MORF4L1: variants seen among roughly 807,000 people sequenced by gnomAD.
MORF4L1 encodes the protein mortality factor 4 like 1.
A neutral mutation model predicts 52.9 loss-of-function variants in MORF4L1; 4 were observed. That is an observed-to-expected ratio of 0.08 (90% CI 0.04 to 0.17). The LOEUF (loss-of-function observed/expected upper bound fraction) is 0.17. Ranked by LOEUF, MORF4L1 falls within the 10% of genes least tolerant of loss-of-function variation. The pLI, the probability that MORF4L1 is intolerant of heterozygous loss-of-function variation, is 1.00. For missense variants in MORF4L1, 214 were observed against 390.4 expected (o/e 0.55, Z 3.81); for synonymous variants, 123 against 134.8 (o/e 0.91, Z 0.61).
intron 3 of MORF4L1, among the ~76,000 whole-genome samples, chr15:78,881,529 T>A (rs1348824183): frequency 6.6e-6 from 1 of 151,932 alleles, no homozygotes; most frequent in Admixed American, 6.6e-5. Flanking sequence ...AAAGTACCGA[T>A]GTTATTGATC....
chr15:78,879,236 C>T (rs1438542269), intron 2 of MORF4L1, among the ~76,000 whole-genome samples: 4 of 151,866 alleles, frequency 2.6e-5, no homozygotes, highest in African/African-American at 9.7e-5. Flanking sequence ...CCCCGCCCCG[C>T]CCCCCAAGAC....
intron 2 of MORF4L1, among the ~76,000 whole-genome samples, chr15:78,879,527 C>G (rs144534979): frequency 1.1e-3 from 173 of 152,210 alleles, no homozygotes; most frequent in Admixed American, 3.0e-3. Context: ...GGGAGACTGT[C>G]TCTTAAAAAA....
chr15:78,875,238 C>CTAAGG (rs1419597133), intron 1 of MORF4L1, among the ~76,000 whole-genome samples: 1 of 152,148 alleles, frequency 6.6e-6, no homozygotes, highest in Non-Finnish European at 1.5e-5. Flanking sequence ...TGGGAACAAC[C>CTAAGG]TAAGGATGGC....
intron 1 of MORF4L1, among the ~76,000 whole-genome samples, chr15:78,874,823 T>C (rs2056452704): frequency 6.6e-6 from 1 of 151,308 alleles, no homozygotes; most frequent in Non-Finnish European, 1.5e-5. Context: ...AGAGCAGATA[T>C]TCTTAATCTA....
chr15:78,893,922 C>T, intron 9 of MORF4L1, 136 bp from the exon 10 acceptor site: 1 of 808,418 alleles, frequency 1.2e-6, no homozygotes. Context: ...ACCCTGCTTT[C>T]ATATGCCCTT....
rs185547801 is a variant in MORF4L1, at chr15:78,878,398, A to G, written c.87+139A>G. 8.9e-4 allele frequency: 539 copies of G among 607,104 alleles called. 1 individual carries two copies. Among genetic ancestry groups the G allele is most frequent in the Non-Finnish European group, 1.0e-3 (380 of 370,050 alleles). The allele number at this position is 607,104 out of a possible 1,614,324, so 37.6% of individuals were successfully genotyped here. ...AGGTTCGTAGTTAATAAATTTCTTC[A>G]TCTTTCTGAGATTCTTATTGTTTTG... is the stretch of plus-strand genomic sequence containing the variant. On this transcript the variant is annotated intron_variant, in intron 2 of 11. Transcript: ENST00000426013.
intron 1 of MORF4L1, among the ~76,000 whole-genome samples, chr15:78,875,397 G>T (rs373860621): frequency 6.6e-6 from 1 of 152,206 alleles, no homozygotes; most frequent in African/African-American, 2.4e-5. Flanking sequence ...CTGTGTAAGA[G>T]AGTCTGTATT....
At chr15:78,879,602 C>T (rs556357775) in intron 2 of MORF4L1, among the ~76,000 whole-genome samples, 5 of 152,130 alleles carry the variant, frequency 3.3e-5, no homozygotes, top group African/African-American at 7.2e-5. Context: ...TATATGTATA[C>T]GTACATACAT....
At chr15:78,873,544 G>A (rs1409095067) in intron 1 of MORF4L1, among the ~76,000 whole-genome samples, 3 of 152,124 alleles carry the variant, frequency 2.0e-5, no homozygotes, top group African/African-American at 7.2e-5. Context: ...ACTCAGCTGC[G>A]GATGGGGGTG....
intron 1 of MORF4L1, chr15:78,876,420 T>C: frequency 2.6e-6 from 1 of 389,628 alleles, no homozygotes; most frequent in Non-Finnish European, 5.2e-6. Context: ...TTGTTTTGTT[T>C]TGTTTAGATT....
chr15:78,893,683 A>G, intron 9 of MORF4L1, 56 bp downstream of exon 9: 7 of 1,210,508 alleles, frequency 5.8e-6, no homozygotes, highest in Non-Finnish European at 8.3e-6. Context: ...AAGTTTCTAA[A>G]TAAGTCATCT....
chr15:78,888,228 G>A (rs1171663475), intron 5 of MORF4L1, among the ~76,000 whole-genome samples: 1 of 152,120 alleles, frequency 6.6e-6, no homozygotes, highest in Non-Finnish European at 1.5e-5. Context: ...TGTTTGGGAG[G>A]CTGAGGCAGG....
intron 1 of MORF4L1, 151 bp downstream of exon 1, chr15:78,873,208 T>G (rs2056402477): frequency 6.6e-7 from 1 of 1,514,424 alleles, no homozygotes; most frequent in South Asian, 1.3e-5. Flanking sequence ...GCATTGCGGA[T>G]GGCAATTCCG....
chr15:78,884,851 T>C, intron 3 of MORF4L1: 1 of 573,634 alleles, frequency 1.7e-6, no homozygotes, highest in Non-Finnish European at 2.9e-6. Flanking sequence ...TCAAACCTCA[T>C]TGGAATTTGT....
At chr15:78,878,080 G>C in intron 1 of MORF4L1, 133 bp from the exon 2 acceptor site, 2 of 723,534 alleles carry the variant, frequency 2.8e-6, no homozygotes, top group Non-Finnish European at 4.3e-6. Flanking sequence ...CCAAAGTGGT[G>C]CTCTGTATAC....
chr15:78,882,718 CA>C (rs558962496), intron 3 of MORF4L1, among the ~76,000 whole-genome samples: 2 of 150,064 alleles, frequency 1.3e-5, no homozygotes, highest in Admixed American at 6.7e-5. Context: ...TATAGGATAT[CA>C]AAAAAAAACA....
At chr15:78,892,092 C>A in intron 7 of MORF4L1, 120 bp from the exon 8 acceptor site, 152 of 545,094 alleles carry the variant, frequency 2.8e-4, no homozygotes, top group Middle Eastern at 2.2e-3. Flanking sequence ...AATGACAGTA[C>A]AGCTGTATGC....
At chr15:78,892,438 A>C (rs1424426796) in intron 8 of MORF4L1, 125 bp downstream of exon 8, 6 of 580,098 alleles carry the variant, frequency 1.0e-5, no homozygotes, top group Non-Finnish European at 1.8e-5. Context: ...ATAATATTTT[A>C]ATTTAGAGGC....
At chr15:78,893,508 C>T (rs771370066) in intron 8 of MORF4L1, 31 bp from the exon 9 acceptor site, 1 of 1,434,578 alleles carries the variant, frequency 7.0e-7, no homozygotes, top group Non-Finnish European at 9.8e-7. Flanking sequence ...AAAGAGAGTG[C>T]TTATATTTAA....
Sources: allele counts gnomAD v4.1 joint callset (sites outside exome capture counted in the v4.1 genomes callset), GRCh38; gene constraint gnomAD v4.1.1; transcripts MANE v1.5; gene names NCBI Gene and HGNC (gene_info 2026-07-23, HGNC 2026-07-21).